Variants in INPP4B observed in about 807,000 individuals in gnomAD.
INPP4B encodes the protein inositol polyphosphate-4-phosphatase type II B, also known as inositol polyphosphate 4-phosphatase type II.
A neutral mutation model predicts 122.5 loss-of-function variants in INPP4B; 55 were observed. The ratio of observed to expected loss-of-function variants is 0.45; its 90% CI spans 0.36 to 0.56. The LOEUF is 0.56. INPP4B is among the 20% of genes least tolerant of loss of function. The pLI is 0.00. For missense variants in INPP4B, 1,000 were observed against 1,097.7 expected (o/e 0.91, Z 1.26); for synonymous variants, 403 against 388.7 (o/e 1.04, Z -0.43).
intron 7 of INPP4B, among the ~76,000 whole-genome samples, chr4:142,349,408 A>C (rs1781286252): frequency 6.6e-6 from 1 of 152,060 alleles, no homozygotes; most frequent in Non-Finnish European, 1.5e-5. Context: ...TTAGGAAGAA[A>C]GATCTACTTT....
intron 25 of INPP4B, among the ~76,000 whole-genome samples, chr4:142,064,039 T>G (rs1372866552): frequency 6.6e-6 from 1 of 152,202 alleles, no homozygotes; most frequent in East Asian, 1.9e-4. Flanking sequence ...AAAATAGACT[T>G]ATTTCAACCC....
At chr4:142,435,481 AG>A (rs555931155) in intron 3 of INPP4B, among the ~76,000 whole-genome samples, 226 of 5,858 alleles carry the variant, frequency 0.039, no homozygotes, top group African/African-American at 0.19. Flanking sequence ...TATTTGGGGG[AG>A]GGGGGGTGGG....
intron 15 of INPP4B, among the ~76,000 whole-genome samples, chr4:142,176,140 T>TTATTA (rs1282842211): frequency 2.0e-5 from 3 of 147,186 alleles, no homozygotes; most frequent in Non-Finnish European, 4.5e-5. Flanking sequence ...ATTATTATTA[T>TTATTA]TATTATTATT....
chr4:142,371,947 G>A (rs890289995), intron 7 of INPP4B, among the ~76,000 whole-genome samples: 18 of 150,772 alleles, frequency 1.2e-4, no homozygotes, highest in African/African-American at 2.4e-4. Flanking sequence ...TTATCAAAAC[G>A]AAAGAAAATC....
intron 2 of INPP4B, chr4:142,654,693 AG>A (rs1753800258): frequency 6.6e-6 from 1 of 152,112 alleles, no homozygotes; most frequent in Admixed American, 6.6e-5. Flanking sequence ...AACATTACAA[AG>A]GAGACAAGGA....
rs371751907 is a variant in INPP4B, at chr4:142,508,360, G to A, written c.-190-45634C>T. Among the ~76,000 whole-genome samples the A allele has an allele frequency of 4.3e-4, 65 of 152,194 alleles. No individual in the cohort carries two copies. The East Asian group carries it at 6.6e-3, about 15-fold the overall frequency. Reference sequence around the variant, plus strand: ...GCGCAATTGGCTCCCTGTAACCTCTGCTCCCAGATTCAAGTGATTCTCCTG... The same window carrying A: ...GCGCAATTGGCTCCCTGTAACCTCTACTCCCAGATTCAAGTGATTCTCCTG... On this transcript the variant is annotated intron_variant, in intron 2 of 25. Coordinates refer to ENST00000262992, the MANE Select transcript of INPP4B (RefSeq NM_001101669.3).
At chr4:142,573,453 C>T (rs1025673480) in intron 2 of INPP4B, among the ~76,000 whole-genome samples, 10 of 152,038 alleles carry the variant, frequency 6.6e-5, no homozygotes, top group Admixed American at 3.9e-4. Flanking sequence ...GAATTTTGTT[C>T]TTGAGTCAGA....
intron 1 of INPP4B, among the ~76,000 whole-genome samples, chr4:142,799,847 A>G (rs944096252): frequency 6.6e-6 from 1 of 151,944 alleles, no homozygotes; most frequent in Admixed American, 6.6e-5. Context: ...TTATTTATCA[A>G]ATTTTAATGA....
At chr4:142,321,987 T>C (rs1770252779) in intron 7 of INPP4B, among the ~76,000 whole-genome samples, 1 of 152,156 alleles carries the variant, frequency 6.6e-6, no homozygotes, top group Non-Finnish European at 1.5e-5. Flanking sequence ...CCAGCAAACA[T>C]GTATCAAGCA....
intron 2 of INPP4B, among the ~76,000 whole-genome samples, chr4:142,653,203 A>G (rs988456226): frequency 6.6e-6 from 1 of 152,178 alleles, no homozygotes. Flanking sequence ...CCTTCCTTAC[A>G]CCTTATACAA....
At chr4:142,148,725 C>A (rs1303239464) in intron 17 of INPP4B, among the ~76,000 whole-genome samples, 2 of 152,142 alleles carry the variant, frequency 1.3e-5, no homozygotes, top group African/African-American at 4.8e-5. Flanking sequence ...GAAAAGTCAC[C>A]TTTGTAGCCT....
chr4:142,740,806 T>C (rs1767790955), intron 1 of INPP4B, among the ~76,000 whole-genome samples: 1 of 152,048 alleles, frequency 6.6e-6, no homozygotes, highest in South Asian at 2.1e-4. Context: ...CCTTCCCCCA[T>C]GGCTTTTGGA....
chr4:142,426,995 T>C (rs1381447062), intron 5 of INPP4B: 3 of 151,934 alleles, frequency 2.0e-5, no homozygotes, highest in African/African-American at 4.8e-5. Flanking sequence ...TTAAACATGA[T>C]AAAAATATTT....
At chr4:142,689,887 C>A (rs1415201365) in intron 2 of INPP4B, among the ~76,000 whole-genome samples, 1 of 152,140 alleles carries the variant, frequency 6.6e-6, no homozygotes, top group Non-Finnish European at 1.5e-5. Context: ...TCACTAAGTA[C>A]TAAGTTCTGG....
rs556334915 is a variant in INPP4B at position 142,510,186 on chromosome 4, T to C, written c.-190-47460A>G. On this transcript the variant is annotated intron_variant, in intron 2 of 25. Transcript: ENST00000262992. ...TATATAGAATAATTAACTGCCACTT[T>C]GCCATTATCTGCTTTAGAGGTTCAT... Among the ~76,000 whole-genome samples, 170 of 152,332 alleles carry C rather than the reference T, an allele frequency of 1.1e-3. 1 individual carries two copies. The highest frequency in any genetic ancestry group is 6.5e-4 in the Non-Finnish European group (44 of 68,020).
intron 16 of INPP4B, among the ~76,000 whole-genome samples, chr4:142,167,563 A>T (rs892515287): frequency 1.3e-4 from 19 of 151,696 alleles, no homozygotes; most frequent in Non-Finnish European, 1.5e-4. Context: ...TTAAATTTTT[A>T]AAAAAGATAT....
chr4:142,479,972 A>C (rs1333657621), intron 2 of INPP4B, among the ~76,000 whole-genome samples: 1 of 152,172 alleles, frequency 6.6e-6, no homozygotes, highest in East Asian at 1.9e-4. Flanking sequence ...TTAAGAAAGA[A>C]TATTTCCTTC....
At chr4:142,323,408 A>T (rs1397899290) in intron 7 of INPP4B, among the ~76,000 whole-genome samples, 1 of 152,060 alleles carries the variant, frequency 6.6e-6, no homozygotes, top group Non-Finnish European at 1.5e-5. Flanking sequence ...ACATGCCTGA[A>T]ATAGAAATGA....
rs200490963 is a variant in INPP4B, at chr4:142,160,421, T to C, written c.1500A>G (p.Gln500=). Residue 500 remains glutamine (Q), a synonymous_variant, in exon 17 of 26, where the codon CAA becomes CAG. Coordinates refer to ENST00000262992, the MANE Select transcript of INPP4B (RefSeq NM_001101669.3). ...SSTEESSPQD[Q]PPVMRGQDSI... ...AGTCCTGCCCTCTCATCACTGGGGG[T>C]TGGTCTTGGGGACTGCTCTCCTCTG... The C allele has an allele frequency of 1.2e-6, 2 of 1,606,400 alleles. No individual in the cohort carries two copies. Among genetic ancestry groups the C allele is most frequent in the African/African-American group, 1.3e-5 (1 of 74,824 alleles).
Sources: allele counts gnomAD v4.1 joint callset (sites outside exome capture counted in the v4.1 genomes callset), GRCh38; gene constraint gnomAD v4.1.1; transcripts MANE v1.5; gene names NCBI Gene and HGNC (gene_info 2026-07-23, HGNC 2026-07-21).